The following SLC4A8 variants were observed in gnomAD, a reference collection of about 807,000 sequenced individuals.
SLC4A8 encodes the protein solute carrier family 4 member 8, also known as electroneutral sodium bicarbonate exchanger 1.
In SLC4A8, 40 loss-of-function variants were observed where a neutral mutation model predicts 125.0. The ratio of observed to expected loss-of-function variants is 0.32; its 90% CI spans 0.25 to 0.42. The LOEUF (loss-of-function observed/expected upper bound fraction) is 0.42, where lower values mean the gene tolerates loss of function less well. Ranked by LOEUF, SLC4A8 falls within the 10% of genes least tolerant of loss-of-function variation. SLC4A8 has a pLI of 1.00. For missense variants in SLC4A8, 863 were observed against 1,355.1 expected (o/e 0.64, Z 5.70); for synonymous variants, 456 against 476.0 (o/e 0.96, Z 0.55).
At chr12:51,481,484 A>G (rs142690478) in intron 16 of SLC4A8, among the ~76,000 whole-genome samples, 224 of 152,318 alleles carry the variant, frequency 1.5e-3, no homozygotes, top group African/African-American at 5.1e-3. Context: ...CGAAGCTATC[A>G]CAGAAATGAT....
chr12:51,413,739 G>A (rs1010781482), intron 1 of SLC4A8, among the ~76,000 whole-genome samples: 2 of 152,114 alleles, frequency 1.3e-5, no homozygotes, highest in Admixed American at 6.6e-5. Flanking sequence ...TAAATATGTG[G>A]ATTTATTTCT....
chr12:51,496,066 C>A (rs976966875), intron 21 of SLC4A8, among the ~76,000 whole-genome samples: 4 of 152,190 alleles, frequency 2.6e-5, no homozygotes, highest in African/African-American at 9.7e-5. Context: ...GATCCACACC[C>A]TCCTGGTGGG....
chr12:51,399,890 G>A (rs1300142276), intron 1 of SLC4A8, among the ~76,000 whole-genome samples: 1 of 152,152 alleles, frequency 6.6e-6, no homozygotes, highest in Admixed American at 6.5e-5. Context: ...GCTGAGGCAG[G>A]GGAATCGCTT....
intron 8 of SLC4A8, among the ~76,000 whole-genome samples, chr12:51,460,357 G>A (rs1231378663): frequency 6.6e-6 from 1 of 150,844 alleles, no homozygotes; most frequent in Non-Finnish European, 1.5e-5. Context: ...TAGCACCATG[G>A]CACCCCAGTG....
intron 1 of SLC4A8, chr12:51,403,255 T>C (rs1948426850): frequency 2.2e-6 from 1 of 456,778 alleles, no homozygotes; most frequent in Non-Finnish European, 4.4e-6. Context: ...TTGGGGCCAC[T>C]CAAGCCTGAA....
chr12:51,471,597 GAGTGCTAGGC>G (rs1188261713), intron 14 of SLC4A8, 65 bp downstream of exon 14: 29 of 1,559,052 alleles, frequency 1.9e-5, no homozygotes, highest in Non-Finnish European at 2.5e-5. Flanking sequence ...TGCTGATGTA[GAGTGCTAGGC>G]AGTGCTTACA....
intron 12 of SLC4A8, 64 bp from the exon 13 acceptor site, chr12:51,470,328 G>A: frequency 6.6e-7 from 1 of 1,523,254 alleles, no homozygotes; most frequent in Non-Finnish European, 9.0e-7. Flanking sequence ...CAGGAATGTA[G>A]CTAAGCCAAC....
chr12:51,467,588 G>A (rs1000586499), intron 11 of SLC4A8: 2 of 152,162 alleles, frequency 1.3e-5, no homozygotes, highest in African/African-American at 4.8e-5. Context: ...GGTGACAGAA[G>A]GAAAGAAAGA....
chr12:51,489,490 T>C (rs1951248974), intron 18 of SLC4A8, among the ~76,000 whole-genome samples: 1 of 152,156 alleles, frequency 6.6e-6, no homozygotes, highest in Non-Finnish European at 1.5e-5. Flanking sequence ...ATAATCAATA[T>C]TGGCATATAT....
intron 1 of SLC4A8, chr12:51,425,449 G>A: frequency 3.0e-6 from 3 of 1,001,996 alleles, no homozygotes; most frequent in Non-Finnish European, 2.4e-6. Flanking sequence ...TTTTATTTCT[G>A]GGGGTTTCTG....
chr12:51,491,561 A>G (rs1239215508), intron 19 of SLC4A8, among the ~76,000 whole-genome samples: 3 of 152,214 alleles, frequency 2.0e-5, no homozygotes, highest in South Asian at 2.1e-4. Context: ...TTATCTGACA[A>G]GAGCAGAGTC....
At chr12:51,504,202 G>C (rs981252526) in intron 23 of SLC4A8, 82 bp downstream of exon 23, 2 of 813,120 alleles carry the variant, frequency 2.5e-6, no homozygotes, top group African/African-American at 1.7e-5. Context: ...GGTGTCACAA[G>C]TGCAGCTGCT....
rs539011667 is a variant in SLC4A8, at chr12:51,409,710, C to A, written c.-112+18222C>A. Among the ~76,000 whole-genome samples the A allele has an allele frequency of 1.8e-3, 274 of 152,176 alleles. 1 individual carries two copies. Among genetic ancestry groups the A allele is most frequent in the Admixed American group, 2.6e-3 (40 of 15,282 alleles). ...GACTATAGGTGTGCACCACTGCACC[C>A]CTGATTTTTATACATTTTATTTTTT... On this transcript the variant is annotated intron_variant, in intron 1 of 24. Transcript: ENST00000358657.
At chr12:51,454,018 C>T (rs1592210367) in intron 5 of SLC4A8, among the ~76,000 whole-genome samples, 1 of 152,168 alleles carries the variant, frequency 6.6e-6, no homozygotes, top group Non-Finnish European at 1.5e-5. Flanking sequence ...AAAGTTCCCT[C>T]GGGTGCAGTG....
intron 17 of SLC4A8, 72 bp downstream of exon 17, chr12:51,485,972 G>C: frequency 2.3e-6 from 2 of 869,896 alleles, no homozygotes; most frequent in Non-Finnish European, 3.9e-6. Flanking sequence ...AATTTCAAAG[G>C]CCTTTTCATA....
chr12:51,503,075 C>T (rs1453447423), intron 22 of SLC4A8, among the ~76,000 whole-genome samples: 3 of 147,614 alleles, frequency 2.0e-5, no homozygotes, highest in South Asian at 4.4e-4. Context: ...ATCTCCTGAC[C>T]TCGTGATCCG....
At chr12:51,463,386 A>G (rs895423874) in intron 10 of SLC4A8, among the ~76,000 whole-genome samples, 1 of 151,216 alleles carries the variant, frequency 6.6e-6, no homozygotes, top group African/African-American at 2.4e-5. Context: ...GTCAGGTACT[A>G]TGGAACAGGA....
At chr12:51,495,182 T>C (rs1951428881) in intron 21 of SLC4A8, 64 bp downstream of exon 21, 1 of 1,382,982 alleles carries the variant, frequency 7.2e-7, no homozygotes, top group Non-Finnish European at 9.9e-7. Flanking sequence ...TAAAATATTA[T>C]AACTTTAAAA....
chr12:51,415,148 TG>T (rs1948660842), intron 1 of SLC4A8, among the ~76,000 whole-genome samples: 1 of 152,028 alleles, frequency 6.6e-6, no homozygotes. Flanking sequence ...TCTATTAGGT[TG>T]GTGCAAAAGT....
Sources: gnomAD v4.1 joint callset for allele counts (sites outside exome capture counted in the v4.1 genomes callset) on GRCh38, gnomAD v4.1.1 for gene constraint, MANE v1.5 for transcripts, NCBI Gene and HGNC (gene_info 2026-07-23, HGNC 2026-07-21) for gene names.